The following TRPM3 variants were observed in gnomAD, a reference collection of about 807,000 sequenced individuals.
The protein encoded by TRPM3 is long transient receptor potential channel 3.
Under a neutral mutation model 181.2 loss-of-function variants are expected in TRPM3, and 77 were observed. The ratio of observed to expected loss-of-function variants is 0.42; its 90% CI spans 0.35 to 0.51. The LOEUF is 0.51. Ranked by LOEUF, TRPM3 falls within the 20% of genes least tolerant of loss-of-function variation. The probability of loss-of-function intolerance (pLI) is 0.01; values close to 1 mark genes in which losing one functional copy is unlikely to be tolerated. For missense variants in TRPM3, 1,759 were observed against 2,196.7 expected (o/e 0.80, Z 3.98); for synonymous variants, 745 against 796.4 (o/e 0.94, Z 1.09).
rs749396886 is a variant in TRPM3, at chr9:71,282,410, GAAAAAGAAAAAGAAAGAA to G, written c.183+164225_183+164242del. ...AAGGAAAGAAAGAAAGGAAAAGAAA[GAAAAAGAAAAAGAAAGAA>G]AAAAAGAAAGAGAAAATTGTAACTA... On this transcript the variant is annotated intron_variant, in intron 1 of 24. Transcript: ENST00000357533. 2.3e-4 allele frequency among the ~76,000 whole-genome samples: 25 copies of G among 106,786 alleles called. 1 individual carries two copies. The highest frequency in any genetic ancestry group is 7.9e-4 in the Admixed American group (9 of 11,396). 70.1% of individuals were successfully genotyped at this position (106,786 alleles called of 152,430 possible).
In TRPM3 at chr9:70,625,392, T is replaced by A; in HGVS notation, c.1669-61A>T. ...AAAGACAACGTGGTTTACTAGGGAT[T>A]CTACTTCACGTATTCTGTAACTAGA... On this transcript the variant is annotated intron_variant, in intron 13 of 25. Transcript: ENST00000677713. The surrounding 1 kb of genome is among the most constrained non-coding windows in gnomAD (Gnocchi z 4.8). 6.2e-7 allele frequency: 1 copy of A among 1,608,168 alleles called. No homozygotes were observed. Among genetic ancestry groups the A allele is most frequent in the Non-Finnish European group, 8.5e-7 (1 of 1,176,724 alleles).
chr9:70,875,288 G>A (rs920988542), intron 1 of TRPM3, among the ~76,000 whole-genome samples: 2 of 151,816 alleles, frequency 1.3e-5, no homozygotes, highest in African/African-American at 4.8e-5. Context: ...TTTATTGTTA[G>A]TCCCTCATTA....
chr9:71,135,042 C>T (rs534657451), intron 1 of TRPM3, among the ~76,000 whole-genome samples: 2 of 152,278 alleles, frequency 1.3e-5, no homozygotes, highest in Admixed American at 1.3e-4. Context: ...CTACCTAAAT[C>T]CCCAATCACC....
intron 1 of TRPM3, among the ~76,000 whole-genome samples, chr9:71,266,730 T>G (rs2083420235): frequency 6.6e-6 from 1 of 152,192 alleles, no homozygotes; most frequent in Non-Finnish European, 1.5e-5. Context: ...TCCATCTGGC[T>G]TAACTGAAAC....
chr9:71,262,236 G>A (rs10869005), intron 1 of TRPM3, among the ~76,000 whole-genome samples: 82,582 of 152,004 alleles, frequency 0.54, 22,552 homozygotes, highest in African/African-American at 0.59. Context: ...ATCTAGAGAG[G>A]CAGTCTGGCT....
chr9:71,223,560 A>G (rs2131860684), intron 1 of TRPM3, among the ~76,000 whole-genome samples: 1 of 152,344 alleles, frequency 6.6e-6, no homozygotes, highest in Non-Finnish European at 1.5e-5. Flanking sequence ...CGGCTTAGGT[A>G]ATAGCTCAGT....
At position 70,537,333 on chromosome 9, in the gene TRPM3, G is replaced by C. The variant is rs764343393; in HGVS notation, c.3780C>G (p.Thr1260=). Reference sequence around the variant, plus strand: ...CCAGCTGCGCCAGCCGGATGTCCACGGTCTGGAGTGAAGCCTTCATGGAGT... The same window carrying C: ...CCAGCTGCGCCAGCCGGATGTCCACCGTCTGGAGTGAAGCCTTCATGGAGT... ...REHSMKASLQ[T]VDIRLAQLED... is the part of the protein sequence containing the mutation. Residue 1260 remains threonine (T), a synonymous_variant, in exon 26 of 26, where the codon ACC becomes ACG. Transcript: ENST00000677713. 5.3e-6 allele frequency: 8 copies of C among 1,518,438 alleles called. No homozygotes were observed. The highest frequency in any genetic ancestry group is 1.3e-5 in the South Asian group (1 of 76,248). The allele number at this position is 1,518,438 out of a possible 1,614,324, so 94.1% of individuals were successfully genotyped here.
At chr9:70,563,217 GT>G (rs1179271791) in intron 22 of TRPM3, among the ~76,000 whole-genome samples, 1 of 152,208 alleles carries the variant, frequency 6.6e-6, no homozygotes, top group Non-Finnish European at 1.5e-5. Flanking sequence ...AGCTGAGGCT[GT>G]TCTGGAGGAG....
intron 25 of TRPM3, among the ~76,000 whole-genome samples, chr9:70,547,152 ATGT>A (rs1470309023): frequency 3.9e-5 from 6 of 152,172 alleles, no homozygotes; most frequent in Non-Finnish European, 7.3e-5. Flanking sequence ...GCATCTCTTA[ATGT>A]TGTTGATTTC....
chr9:71,080,124 C>T (rs1483949287), intron 1 of TRPM3, among the ~76,000 whole-genome samples: 4 of 151,006 alleles, frequency 2.6e-5, no homozygotes, highest in Non-Finnish European at 2.9e-5. Context: ...AAGCCAAGAT[C>T]GCACCAATGC....
intron 1 of TRPM3, among the ~76,000 whole-genome samples, chr9:71,046,260 T>C (rs2059428362): frequency 6.6e-6 from 1 of 152,118 alleles, no homozygotes; most frequent in South Asian, 2.1e-4. Context: ...GCTGGGATTA[T>C]AGGTGTGAAC....
In TRPM3 at chr9:71,341,091, T is replaced by C. The variant is rs544052222; in HGVS notation, c.183+105562A>G. ...TATGAGTCTATATTGGTTACATAAA[T>C]AACTGAATAAACTGGGAAAAGGAAC... On this transcript the variant is annotated intron_variant, in intron 1 of 24. Transcript: ENST00000357533. Among the ~76,000 whole-genome samples, 8 of 152,150 alleles carry C rather than the reference T, an allele frequency of 5.3e-5. No individual in the cohort carries two copies. In the South Asian group the frequency reaches 1.7e-3, roughly 32 times the overall value.
intron 1 of TRPM3, among the ~76,000 whole-genome samples, chr9:70,956,436 A>G (rs1216131389): frequency 1.3e-5 from 2 of 152,086 alleles, no homozygotes; most frequent in Non-Finnish European, 2.9e-5. Context: ...GGCAAATGGA[A>G]TAGTTGTAGC....
chr9:70,984,563 G>T (rs1467410819), intron 1 of TRPM3, among the ~76,000 whole-genome samples: 1 of 152,204 alleles, frequency 6.6e-6, no homozygotes, highest in Non-Finnish European at 1.5e-5. Flanking sequence ...ACTGGGATTA[G>T]CAGGTGAAAT....
chr9:70,820,375 C>T (rs773609037), intron 6 of TRPM3, among the ~76,000 whole-genome samples: 1 of 152,024 alleles, frequency 6.6e-6, no homozygotes, highest in Non-Finnish European at 1.5e-5. Context: ...TGTTATAGGA[C>T]TTTTTTTGTT....
intron 3 of TRPM3, among the ~76,000 whole-genome samples, chr9:70,849,966 A>G (rs2095158636): frequency 1.3e-5 from 2 of 152,204 alleles, no homozygotes; most frequent in South Asian, 4.1e-4. Flanking sequence ...AGAATATGAA[A>G]GCAGCTTAAT....
intron 1 of TRPM3, among the ~76,000 whole-genome samples, chr9:71,168,031 T>C (rs1318718890): frequency 6.6e-6 from 1 of 152,192 alleles, no homozygotes; most frequent in African/African-American, 2.4e-5. Flanking sequence ...TGTTATTATC[T>C]TAGAGAGAAT....
chr9:70,744,667 C>T (rs541083154), intron 8 of TRPM3, among the ~76,000 whole-genome samples: 36 of 152,198 alleles, frequency 2.4e-4, no homozygotes, highest in African/African-American at 8.4e-4. Flanking sequence ...CCTTCATTTT[C>T]CTTGTAAATA....
chr9:71,059,934 G>C (rs941158421), intron 1 of TRPM3, among the ~76,000 whole-genome samples: 3 of 152,024 alleles, frequency 2.0e-5, no homozygotes, highest in Non-Finnish European at 4.4e-5. Flanking sequence ...AAACCAGGAG[G>C]GTGTGAAAAC....
Sources: allele counts gnomAD v4.1 joint callset (sites outside exome capture counted in the v4.1 genomes callset), GRCh38; gene constraint gnomAD v4.1.1; non-coding constraint Gnocchi (gnomAD v3.1); transcripts MANE v1.5; gene names NCBI Gene and HGNC (gene_info 2026-07-23, HGNC 2026-07-21).